Variants in LPA observed in about 807,000 individuals in gnomAD.
LPA encodes lipoprotein(a), also known as apolipoprotein(a).
LPA carries 199 observed loss-of-function variants against 197.9 expected under a neutral mutation model. The ratio of observed to expected loss-of-function variants is 1.01; its 90% CI spans 0.90 to 1.13. LPA has a LOEUF of 1.13. LPA is among the 50% of genes most tolerant of loss of function. The probability of loss-of-function intolerance (pLI) is 0.00; values close to 1 mark genes in which losing one functional copy is unlikely to be tolerated. For synonymous variants in LPA, 715 were observed against 639.5 expected, an observed-to-expected ratio of 1.12 and a Z score of -1.78; for missense variants, 1,853 against 1,785.8, an observed-to-expected ratio of 1.04 and a Z score of -0.68.
At chr6:160,557,290 A>G in intron 29 of LPA, 100 bp downstream of exon 29, 1 of 1,416,104 alleles carries the variant, frequency 7.1e-7, no homozygotes, top group Non-Finnish European at 9.9e-7. Flanking sequence ...CATACCCTCA[A>G]GTTTCTGTGT....
chr6:160,576,552 T>C (rs1387186323), intron 28 of LPA, among the ~76,000 whole-genome samples: 1 of 145,150 alleles, frequency 6.9e-6, no homozygotes, highest in African/African-American at 2.5e-5. Flanking sequence ...ACATACATAG[T>C]GAAACAATAT....
At chr6:160,583,689 G>A (rs541488119) in intron 26 of LPA, among the ~76,000 whole-genome samples, 11 of 152,198 alleles carry the variant, frequency 7.2e-5, no homozygotes, top group Admixed American at 4.6e-4. Flanking sequence ...ACTTCTGTGT[G>A]TATTCCTGGA....
chr6:160,654,029 T>TATATATA (rs1780072965), intron 1 of LPA, among the ~76,000 whole-genome samples: 1 of 10,416 alleles, frequency 9.6e-5, no homozygotes, highest in African/African-American at 3.7e-4. Context: ...TAATATATAA[T>TATATATA]ATATATTATA....
chr6:160,575,768 C>T (rs1485588926), intron 28 of LPA, among the ~76,000 whole-genome samples: 1 of 152,142 alleles, frequency 6.6e-6, no homozygotes, highest in Non-Finnish European at 1.5e-5. Flanking sequence ...TGTAGTTATT[C>T]TTTCCCCAGT....
At position 160,606,533 on chromosome 6, in the gene LPA, G is replaced by A. The variant is rs1265711835; in HGVS notation, c.2729C>T (p.Ala910Val). Residue 910 changes from alanine (A) to valine (V), a missense_variant, in exon 17 of 39, where the codon GCC becomes GTC. Around this residue, in one of 3 missense-constraint regions of LPA, gnomAD observed 1,737 missense variants for 1,504.4 expected, o/e 1.15. Coordinates refer to ENST00000316300, the MANE Select transcript of LPA (RefSeq NM_005577.4). ...LTQCSDAEGT[A>V]VAPPTITPIP... ...CGGGGTAATAGTTGGAGGCGCGACG[G>A]CAGTCCCTTCTGCGTCTGAGCATTG... 1.9e-6 allele frequency: 3 copies of A among 1,613,514 alleles called. No homozygotes were observed. Among genetic ancestry groups the A allele is most frequent in the Admixed American group, 1.7e-5 (1 of 60,004 alleles).
At chr6:160,588,118 G>C (rs554053960) in intron 24 of LPA, among the ~76,000 whole-genome samples, 1 of 152,172 alleles carries the variant, frequency 6.6e-6, no homozygotes, top group East Asian at 1.9e-4. Flanking sequence ...TGTTTGTGTT[G>C]AGTGATTTTT....
chr6:160,545,377 C>CTT (rs58131350), intron 33 of LPA, 63 bp downstream of exon 33: 11 of 1,208,354 alleles, frequency 9.1e-6, no homozygotes, highest in African/African-American at 1.6e-5. Context: ...GTTTTTTTTG[C>CTT]TTTTTTTTTT....
In LPA at chr6:160,581,841, G is replaced by A. The variant is rs149361921; in HGVS notation, c.4290-3137C>T. On this transcript the variant is annotated intron_variant, in intron 26 of 38. Transcript: ENST00000316300. ...GGATTTTTTAATCTATAAGCATGAT[G>A]TGTCTTTATTTAGATCTTCTAATTT... 2.0e-5 allele frequency among the ~76,000 whole-genome samples: 3 copies of A among 152,206 alleles called. No individual in the cohort carries two copies. The East Asian group carries it at 5.8e-4, about 29-fold the overall frequency.
intron 30 of LPA, among the ~76,000 whole-genome samples, chr6:160,551,160 A>G (rs544744654): frequency 6.6e-6 from 1 of 152,382 alleles, no homozygotes; most frequent in East Asian, 1.9e-4. Context: ...TTTCACCAGC[A>G]TATGAGAGAG....
Position 160,653,966 on chromosome 6 carries a change from TTATATATAATATATAA to T in LPA, c.50-3485_50-3470del, listed in dbSNP as rs1780056358. On this transcript the variant is annotated intron_variant, in intron 1 of 38. Coordinates refer to ENST00000316300, the MANE Select transcript of LPA (RefSeq NM_005577.4). ...TTATATATATTATATATAATATATA[TTATATATAATATATAA>T]TATATAATATATATTATATATAATA... Among the ~76,000 whole-genome samples, 3 of 28,142 alleles carry T rather than the reference TTATATATAATATATAA, an allele frequency of 1.1e-4. 1 individual carries two copies. Among genetic ancestry groups the T allele is most frequent in the South Asian group, 1.0e-3 (1 of 970 alleles). 18.5% of individuals were successfully genotyped at this position (28,142 alleles called of 152,430 possible).
intron 27 of LPA, among the ~76,000 whole-genome samples, chr6:160,577,787 G>T (rs1778712474): frequency 6.6e-6 from 1 of 152,224 alleles, no homozygotes; most frequent in Non-Finnish European, 1.5e-5. Flanking sequence ...AAGACTCATT[G>T]TTTCTCAAGG....
intron 30 of LPA, among the ~76,000 whole-genome samples, chr6:160,551,491 A>G (rs140924070): frequency 6.6e-6 from 1 of 152,252 alleles, no homozygotes; most frequent in Non-Finnish European, 1.5e-5. Flanking sequence ...TTACTTGCCT[A>G]TTTATTTTCT....
At chr6:160,651,044 A>G (rs536442687) in intron 1 of LPA, among the ~76,000 whole-genome samples, 1 of 152,198 alleles carries the variant, frequency 6.6e-6, no homozygotes, top group Non-Finnish European at 1.5e-5. Context: ...CTTGGAGGAG[A>G]GACTGGAAAT....
chr6:160,663,471 CT>C (rs1479759954), intron 1 of LPA, among the ~76,000 whole-genome samples: 1 of 152,160 alleles, frequency 6.6e-6, no homozygotes, highest in Admixed American at 6.5e-5. Context: ...ATACCATGAG[CT>C]AAATAAGCTA....
chr6:160,634,631 G>A lies in LPA; in HGVS notation c.1075+492C>T, dbSNP rs1203046939. On this transcript the variant is annotated intron_variant, in intron 7 of 38. Coordinates refer to ENST00000316300, the MANE Select transcript of LPA (RefSeq NM_005577.4). The stretch of plus-strand genomic sequence containing the variant: ...GGACTGAAGAGCCTTAGAGCATTGG[G>A]AGCTCATATACTGCTCCATAGACCC... Among the ~76,000 whole-genome samples, 7 of 149,760 alleles carry A rather than the reference G, an allele frequency of 4.7e-5. No homozygotes were observed. In the South Asian group the frequency reaches 6.4e-4, roughly 14 times the overall value.
rs1583597381 is a variant in LPA, at chr6:160,585,070, C to T, written c.4265G>A (p.Arg1422Lys). The change falls in exon 26 of 39, where the codon AGG becomes AAG. Residue 1422 changes from arginine to lysine, a missense_variant. Coordinates refer to ENST00000316300, the MANE Select transcript of LPA (RefSeq NM_005577.4). The stretch of plus-strand genomic sequence containing the variant: ...CGCATTTGGATAGTATAATGGGATC[C>T]TCCGATGCCAATGTGGTGTCATAGA... The part of the protein sequence containing the change: ...WSSMTPHWHR[R>K]IPLYYPNAGL... 1.9e-6 allele frequency: 3 copies of T among 1,613,760 alleles called. No individual in the cohort carries two copies. The highest frequency in any genetic ancestry group is 2.5e-6 in the Non-Finnish European group (3 of 1,179,754).
At chr6:160,546,610 G>T (rs1016259255) in intron 32 of LPA, among the ~76,000 whole-genome samples, 2 of 152,158 alleles carry the variant, frequency 1.3e-5, no homozygotes. Context: ...CTTGGGATTG[G>T]CATCTGCAGT....
At chr6:160,653,076 A>G (rs187580943) in intron 1 of LPA, among the ~76,000 whole-genome samples, 17 of 152,282 alleles carry the variant, frequency 1.1e-4, no homozygotes, top group African/African-American at 4.1e-4. Context: ...GAACATCTCA[A>G]TTTAAAAGCT....
intron 1 of LPA, 113 bp downstream of exon 1, chr6:160,664,053 G>C: frequency 1.6e-6 from 2 of 1,267,566 alleles, no homozygotes; most frequent in South Asian, 2.7e-5. Flanking sequence ...TTTGAACTGG[G>C]AATTTCATGA....
Sources: gnomAD v4.1 joint callset for allele counts (sites outside exome capture counted in the v4.1 genomes callset) on GRCh38, gnomAD v4.1.1 for gene constraint, gnomAD v4.1.1 regional missense constraint, MANE v1.5 for transcripts, NCBI Gene and HGNC (gene_info 2026-07-23, HGNC 2026-07-21) for gene names.